The following GBE1 variants were observed in gnomAD, a reference collection of about 807,000 sequenced individuals.
GBE1 encodes the protein 1,4-alpha-glucan branching enzyme 1.
In GBE1, 70 loss-of-function variants were observed where a neutral mutation model predicts 88.8. The observed-to-expected ratio is 0.79, with a 90% CI of 0.65 to 0.96. The LOEUF (loss-of-function observed/expected upper bound fraction) is 0.96. GBE1 is among the 40% of genes least tolerant of loss of function. The pLI is 0.00. For synonymous variants in GBE1, 284 were observed against 300.1 expected (o/e 0.95, Z 0.56); for missense variants, 872 against 871.0 (o/e 1.00, Z -0.01).
At chr3:81,602,719 G>A (rs775038218) in intron 7 of GBE1, among the ~76,000 whole-genome samples, 88 of 152,128 alleles carry the variant, frequency 5.8e-4, no homozygotes, top group Non-Finnish European at 1.5e-4. Context: ...GAAATAAAAG[G>A]AAGAGAGGAT....
chr3:81,659,264 A>C (rs969037129), intron 3 of GBE1, among the ~76,000 whole-genome samples: 2 of 152,130 alleles, frequency 1.3e-5, no homozygotes, highest in African/African-American at 4.8e-5. Flanking sequence ...GTATAATTAC[A>C]AAAGTCTATG....
chr3:81,637,857 T>C (rs570982972), intron 7 of GBE1, among the ~76,000 whole-genome samples: 2 of 152,132 alleles, frequency 1.3e-5, no homozygotes, highest in Admixed American at 6.6e-5. Context: ...ATATCATATA[T>C]AATTAAGCTA....
rs147932684 is a variant in GBE1 at position 81,573,614 on chromosome 3, A to C, written c.1618+4311T>G. ...TAGTAATACCTGGTATATCATAGAT[A>C]CATATAAATGTCTTAAGCATAAAGA... On this transcript the variant is annotated intron_variant, in intron 12 of 15. Transcript: ENST00000429644. 1.8e-3 allele frequency among the ~76,000 whole-genome samples: 272 copies of C among 152,372 alleles called. 3 individuals carry two copies. The highest frequency in any genetic ancestry group is 3.3e-3 in the Admixed American group (50 of 15,308).
At chr3:81,501,288 A>C (rs1034214519) in intron 14 of GBE1, among the ~76,000 whole-genome samples, 1 of 152,156 alleles carries the variant, frequency 6.6e-6, no homozygotes, top group Non-Finnish European at 1.5e-5. Flanking sequence ...TTATTTTAGT[A>C]GGTTTGTTTG....
intron 2 of GBE1, among the ~76,000 whole-genome samples, chr3:81,691,119 C>T (rs1705512817): frequency 6.6e-6 from 1 of 151,996 alleles, no homozygotes; most frequent in South Asian, 2.1e-4. Flanking sequence ...CAAGGGACTC[C>T]AATTTTCTGT....
At chr3:81,645,828 A>G (rs936749405) in intron 6 of GBE1, among the ~76,000 whole-genome samples, 1 of 152,198 alleles carries the variant, frequency 6.6e-6, no homozygotes, top group Non-Finnish European at 1.5e-5. Context: ...TGATGGGAGC[A>G]ATGTCTATAT....
At chr3:81,618,742 C>G (rs1704284320) in intron 7 of GBE1, among the ~76,000 whole-genome samples, 1 of 152,086 alleles carries the variant, frequency 6.6e-6, no homozygotes, top group Admixed American at 6.5e-5. Context: ...TAGGCCAACT[C>G]TCATTTTACA....
chr3:81,523,900 T>A (rs1350923256), intron 14 of GBE1, among the ~76,000 whole-genome samples: 3 of 151,888 alleles, frequency 2.0e-5, no homozygotes, highest in African/African-American at 4.8e-5. Context: ...ATTCGTGTAC[T>A]GATGGACACT....
intron 2 of GBE1, among the ~76,000 whole-genome samples, chr3:81,671,389 G>A (rs1705187428): frequency 6.6e-6 from 1 of 152,070 alleles, no homozygotes; most frequent in Non-Finnish European, 1.5e-5. Flanking sequence ...GAGTGTGACA[G>A]AGCTGACATA....
intron 14 of GBE1, among the ~76,000 whole-genome samples, chr3:81,503,766 C>T (rs1196913172): frequency 1.3e-5 from 2 of 152,030 alleles, no homozygotes; most frequent in Admixed American, 6.6e-5. Context: ...CAATTTTATG[C>T]CAAGAATACG....
At chr3:81,711,248 A>T (rs1256126751) in intron 1 of GBE1, among the ~76,000 whole-genome samples, 1 of 152,222 alleles carries the variant, frequency 6.6e-6, no homozygotes, top group Non-Finnish European at 1.5e-5. Context: ...CTCCTTTCTT[A>T]ATAGCTGATT....
intron 12 of GBE1, among the ~76,000 whole-genome samples, chr3:81,570,296 G>T: frequency 6.6e-6 from 1 of 152,130 alleles, no homozygotes; most frequent in African/African-American, 2.4e-5. Flanking sequence ...TTAAGAATTT[G>T]TACCATTTGT....
intron 3 of GBE1, among the ~76,000 whole-genome samples, chr3:81,653,068 T>C (rs1704873796): frequency 6.6e-6 from 1 of 152,208 alleles, no homozygotes; most frequent in African/African-American, 2.4e-5. Context: ...AAGAGTTCAC[T>C]TGATACTGTC....
intron 7 of GBE1, among the ~76,000 whole-genome samples, chr3:81,604,441 G>A (rs1704078113): frequency 6.6e-6 from 1 of 151,514 alleles, no homozygotes; most frequent in African/African-American, 2.4e-5. Context: ...AGTGCACCAC[G>A]ACGCCAGGCT....
intron 14 of GBE1, among the ~76,000 whole-genome samples, chr3:81,531,826 A>T (rs1029216216): frequency 2.0e-5 from 3 of 152,008 alleles, no homozygotes; most frequent in Non-Finnish European, 1.5e-5. Context: ...TAGACTTTCA[A>T]ATTTATCTGG....
At chr3:81,748,480 G>A (rs920988805) in intron 1 of GBE1, among the ~76,000 whole-genome samples, 6 of 151,532 alleles carry the variant, frequency 4.0e-5, no homozygotes, top group African/African-American at 7.3e-5. Flanking sequence ...GTGTGGTGGC[G>A]GGCGCCTGTA....
intron 7 of GBE1, among the ~76,000 whole-genome samples, chr3:81,615,610 C>T (rs1462838621): frequency 6.6e-6 from 1 of 152,188 alleles, no homozygotes; most frequent in Non-Finnish European, 1.5e-5. Flanking sequence ...TGTGTATTAA[C>T]AGATTACTCA....
chr3:81,589,888 C>G (rs1202382986), intron 9 of GBE1, among the ~76,000 whole-genome samples: 1 of 151,866 alleles, frequency 6.6e-6, no homozygotes, highest in Non-Finnish European at 1.5e-5. Context: ...ATATTCAGCA[C>G]AAAAAATATT....
At chr3:81,667,247 G>C (rs1331164645) in intron 3 of GBE1, among the ~76,000 whole-genome samples, 2 of 152,046 alleles carry the variant, frequency 1.3e-5, no homozygotes, top group Non-Finnish European at 2.9e-5. Context: ...CTCTCTGCTT[G>C]TCTATTGCTG....
Sources: gnomAD v4.1 joint callset for allele counts (sites outside exome capture counted in the v4.1 genomes callset) on GRCh38, gnomAD v4.1.1 for gene constraint, MANE v1.5 for transcripts, NCBI Gene and HGNC (gene_info 2026-07-23, HGNC 2026-07-21) for gene names.